The following HAUS4 variants were observed in gnomAD, a reference collection of about 807,000 sequenced individuals.
HAUS4 encodes the protein HAUS augmin like complex subunit 4.
Under a neutral mutation model 50.6 loss-of-function variants are expected in HAUS4, and 34 were observed. That is an observed-to-expected ratio of 0.67 (90% CI 0.51 to 0.90). The LOEUF (loss-of-function observed/expected upper bound fraction) is 0.90. Among genes scored for constraint, HAUS4 ranks in the 40% least tolerant of loss-of-function variants. The pLI is 0.00. For synonymous variants in HAUS4, 149 were observed against 161.4 expected (o/e 0.92, Z 0.58); for missense variants, 370 against 428.7 (o/e 0.86, Z 1.21).
At chr14:22,948,188 C>A (rs2044679535) in intron 6 of HAUS4, 175 bp from the exon 7 acceptor site, 1 of 647,174 alleles carries the variant, frequency 1.5e-6, no homozygotes, top group Non-Finnish European at 2.5e-6. Flanking sequence ...GTGGCTTACG[C>A]CTGCAATCCT....
chr14:22,952,981 G>A (rs1008576139), intron 2 of HAUS4, among the ~76,000 whole-genome samples: 3 of 152,176 alleles, frequency 2.0e-5, no homozygotes, highest in Admixed American at 6.5e-5. Flanking sequence ...GGGACCGTTA[G>A]TAGGAATCAC....
At chr14:22,948,440 T>TAAAA in intron 6 of HAUS4, among the ~76,000 whole-genome samples, 1 of 76,976 alleles carries the variant, frequency 1.3e-5, no homozygotes, top group South Asian at 5.6e-4. Context: ...ACAGAGTTTT[T>TAAAA]AAAAAAAAAA....
chr14:22,951,807 C>T, intron 4 of HAUS4, 118 bp from the exon 5 acceptor site: 1 of 881,248 alleles, frequency 1.1e-6, no homozygotes, highest in South Asian at 1.8e-5. Context: ...ATATATCATC[C>T]CCCCTCAGAT....
intron 5 of HAUS4, chr14:22,951,354 T>C: frequency 1.6e-6 from 1 of 617,524 alleles, no homozygotes; most frequent in Non-Finnish European, 2.9e-6. Flanking sequence ...TATGTCAAGC[T>C]GTTTATAATA....
intron 5 of HAUS4, 115 bp downstream of exon 5, chr14:22,951,440 C>T: frequency 8.3e-7 from 1 of 1,210,378 alleles, no homozygotes; most frequent in East Asian, 2.5e-5. Flanking sequence ...AGTCTGACCA[C>T]CCTGAATGTG....
chr14:22,947,212 G>GTT lies in HAUS4; in HGVS notation c.866_867insAA (p.Asp289GlufsTer14). 12 of 1,608,724 alleles carry GTT rather than the reference G, an allele frequency of 7.5e-6. No individual in the cohort carries two copies. Among genetic ancestry groups the GTT allele is most frequent in the Non-Finnish European group, 1.0e-5 (12 of 1,175,508 alleles). ...CTTCCACTTTCTCAACAGTGTAAGT[G>GTT]TCGGACAAAATCTTTAGCTCCTCCA... On this transcript the variant is annotated frameshift_variant, in exon 9 of 10. Coordinates refer to ENST00000541587, the MANE Select transcript of HAUS4 (RefSeq NM_001166269.2). LOFTEE classifies it high-confidence loss of function.
chr14:22,951,138 C>T (rs1044336515), intron 5 of HAUS4, among the ~76,000 whole-genome samples: 4 of 151,704 alleles, frequency 2.6e-5, no homozygotes, highest in Admixed American at 6.6e-5. Context: ...GTAGCTGGGA[C>T]TACAGGTGTG....
intron 6 of HAUS4, among the ~76,000 whole-genome samples, chr14:22,949,012 C>T (rs1201605981): frequency 6.6e-6 from 1 of 151,302 alleles, no homozygotes; most frequent in Non-Finnish European, 1.5e-5. Context: ...AAAAAATTAG[C>T]TGGGCAGGGT....
intron 7 of HAUS4, 61 bp from the exon 8 acceptor site, chr14:22,947,792 C>G: frequency 6.2e-7 from 1 of 1,611,092 alleles, no homozygotes; most frequent in Non-Finnish European, 8.5e-7. Flanking sequence ...GAGGGTAGAT[C>G]AGGAATCTTT....
chr14:22,947,570 T>G (rs2044667853), intron 8 of HAUS4, 31 bp downstream of exon 8: 1 of 1,611,628 alleles, frequency 6.2e-7, no homozygotes, highest in East Asian at 2.2e-5. Flanking sequence ...TGAGACAGAA[T>G]CCCTTAAGAT....
chr14:22,946,728 A>G lies in HAUS4; in HGVS notation c.909-20T>C, dbSNP rs1221756703. 1.3e-6 allele frequency: 2 copies of G among 1,583,126 alleles called. No homozygotes were observed. The highest frequency in any genetic ancestry group is 1.7e-6 in the Non-Finnish European group (2 of 1,162,210). On this transcript the variant is annotated intron_variant, in intron 9 of 9. Coordinates refer to ENST00000541587, the MANE Select transcript of HAUS4 (RefSeq NM_001166269.2). Reference sequence around the variant, plus strand: ...CGGTCCCTAAGAGCCCGGGCAGAGAAGGCACAATATAAGGGTGCTGCTCCT... The same window carrying G: ...CGGTCCCTAAGAGCCCGGGCAGAGAGGGCACAATATAAGGGTGCTGCTCCT...
intron 4 of HAUS4, 119 bp downstream of exon 4, chr14:22,952,209 G>A: frequency 1.3e-6 from 1 of 746,484 alleles, no homozygotes; most frequent in South Asian, 1.7e-5. Flanking sequence ...GTAGAGACGG[G>A]GTCTTACCAT....
At chr14:22,949,370 A>C (rs1309264445) in intron 6 of HAUS4, among the ~76,000 whole-genome samples, 3 of 151,552 alleles carry the variant, frequency 2.0e-5, no homozygotes, top group African/African-American at 4.9e-5. Context: ...TCTACTAAAA[A>C]TACAAAAAAT....
intron 5 of HAUS4, among the ~76,000 whole-genome samples, chr14:22,951,228 C>T (rs1359412756): frequency 6.6e-6 from 1 of 151,068 alleles, no homozygotes; most frequent in African/African-American, 2.4e-5. Context: ...TGGTCTTGAA[C>T]TCCTGAACTC....
rs1443945048 is a variant in HAUS4, at chr14:22,952,219, T to G, written c.330+109A>C. On this transcript the variant is annotated intron_variant, in intron 4 of 9. Coordinates refer to ENST00000541587, the MANE Select transcript of HAUS4 (RefSeq NM_001166269.2). ...TTTTAGTAGAGACGGGGTCTTACCA[T>G]GTTGGCCAGGCTGGTCTCAAACTCT... 1.6e-5 allele frequency: 13 copies of G among 817,090 alleles called. No homozygotes were observed. The South Asian group carries it at 1.9e-4, about 12-fold the overall frequency. The allele number at this position is 817,090 out of a possible 1,614,324, so 50.6% of individuals were successfully genotyped here. A position where few individuals can be genotyped will look rare whatever the true frequency, so the allele number is the denominator to read the frequency against.
At chr14:22,948,211 G>C (rs1329332443) in intron 6 of HAUS4, 198 bp from the exon 7 acceptor site, 3 of 559,864 alleles carry the variant, frequency 5.4e-6, no homozygotes, top group Non-Finnish European at 9.2e-6. Flanking sequence ...CACTTTGGGA[G>C]GCCAAGGCAG....
intron 4 of HAUS4, 112 bp from the exon 5 acceptor site, chr14:22,951,801 A>G: frequency 1.1e-6 from 1 of 937,616 alleles, no homozygotes; most frequent in Middle Eastern, 2.9e-4. Context: ...CCTCAAATAT[A>G]TCATCCCCCC....
Position 22,946,680 on chromosome 14 carries a change from G to A in HAUS4, c.937C>T (p.Gln313Ter), listed in dbSNP as rs773990476. The A allele has an allele frequency of 2.5e-6, 4 of 1,612,688 alleles. No homozygotes were observed. In the African/African-American group the frequency reaches 4.0e-5, roughly 16 times the overall value. ...RDRLEGAIHLQEQDMENSRQV... is the reference protein window; with the variant it reads ...RDRLEGAIHL ...CTTGAGTTCTCCATGTCCTGCTCCT[G>A]TAGGTGAATGGCTCCCTCCAAACGG... is the stretch of plus-strand genomic sequence containing the variant. Residue 313 changes from glutamine to a stop codon, truncating the protein, a stop_gained, in exon 10 of 10, where the codon CAG becomes TAG. Coordinates refer to ENST00000541587, the MANE Select transcript of HAUS4 (RefSeq NM_001166269.2). LOFTEE classifies it high-confidence loss of function.
intron 8 of HAUS4, 90 bp downstream of exon 8, chr14:22,947,511 G>A (rs2044666199): frequency 1.4e-6 from 2 of 1,420,680 alleles, no homozygotes; most frequent in African/African-American, 2.8e-5. Context: ...AAGGCGCTAG[G>A]ATAAGGGAGA....
Sources: allele counts gnomAD v4.1 joint callset (sites outside exome capture counted in the v4.1 genomes callset), GRCh38; gene constraint gnomAD v4.1.1; transcripts MANE v1.5; gene names NCBI Gene and HGNC (gene_info 2026-07-23, HGNC 2026-07-21).